SLC43A3: variants seen among roughly 807,000 people sequenced by gnomAD.
The protein encoded by SLC43A3 is equilibrative nucleobase transporter 1.
SLC43A3 carries 33 observed loss-of-function variants against 53.3 expected under a neutral mutation model. The observed-to-expected ratio is 0.62, with a 90% confidence interval of 0.47 to 0.83. The LOEUF is 0.83. Ranked by LOEUF, SLC43A3 falls within the 40% of genes least tolerant of loss-of-function variation. The pLI, the probability that SLC43A3 is intolerant of heterozygous loss-of-function variation, is 0.00. For synonymous variants in SLC43A3, 236 were observed against 246.2 expected (o/e 0.96, Z 0.39); for missense variants, 530 against 610.0 (o/e 0.87, Z 1.38).
rs78139395 is a variant in SLC43A3, at chr11:57,411,760, A to C, written c.1061-1639T>G. Among the ~76,000 whole-genome samples the C allele has an allele frequency of 6.8e-3, 1,034 of 152,236 alleles. 6 individuals carry two copies. The highest frequency in any genetic ancestry group is 0.01 in the Non-Finnish European group (699 of 68,032). The stretch of plus-strand genomic sequence containing the variant: ...GGAATAAGGAAGGACAGAAAAAAGG[A>C]AACAAAGAAGTAGCAACAGTATTTA... On this transcript the variant is annotated intron_variant, in intron 11 of 13. Coordinates refer to ENST00000395124, the MANE Select transcript of SLC43A3 (RefSeq NM_199329.3).
In SLC43A3 at chr11:57,410,123, T is replaced by C. The variant is rs1198406570; in HGVS notation, c.1061-2A>G. On this transcript the variant is annotated splice_acceptor_variant, in intron 11 of 13. Transcript: ENST00000395124. LOFTEE classifies it high-confidence loss of function. ...GGGCCACCGCCAAAGTGGAGGAACC[T>C]GGGCGAACAGAGAGGAAAAAGAAGC... 6.3e-7 allele frequency: 1 copy of C among 1,591,460 alleles called. No individual in the cohort carries two copies. Among genetic ancestry groups the C allele is most frequent in the Non-Finnish European group, 8.5e-7 (1 of 1,169,990 alleles).
chr11:57,414,565 A>AC (rs1942629473), intron 11 of SLC43A3, 50 bp downstream of exon 11: 1 of 952,106 alleles, frequency 1.1e-6, no homozygotes, highest in African/African-American at 1.7e-5. Flanking sequence ...GTAAATGAAG[A>AC]CCTCCCTTCC....
chr11:57,424,893 C>G (rs1319864786), intron 4 of SLC43A3, among the ~76,000 whole-genome samples: 19 of 152,228 alleles, frequency 1.2e-4, no homozygotes, highest in Non-Finnish European at 2.9e-5. Context: ...CCGCTGATTA[C>G]CACTGAGCCT....
chr11:57,408,066 C>T (rs1044083203), intron 13 of SLC43A3, 170 bp from the exon 14 acceptor site: 2 of 572,692 alleles, frequency 3.5e-6, no homozygotes, highest in African/African-American at 3.7e-5. Context: ...GAAGGACTTT[C>T]AGTTACTTTT....
Position 57,407,254 on chromosome 11 carries a change from G to A in SLC43A3, c.*538C>T, listed in dbSNP as rs1942255027. On this transcript the variant is annotated 3_prime_UTR_variant, in exon 14 of 14. Transcript: ENST00000395124. Reference sequence around the variant, plus strand: ...GAGACCAGACCAGGGTCAGGCCAAGGTCATCCAGCATCAGTGGCTGGGCTG... The same window carrying A: ...GAGACCAGACCAGGGTCAGGCCAAGATCATCCAGCATCAGTGGCTGGGCTG... The A allele has an allele frequency of 6.5e-6, 1 of 154,222 alleles. No homozygotes were observed. 9.6% of individuals were successfully genotyped at this position (154,222 alleles called of 1,614,324 possible).
At chr11:57,409,335 A>G in intron 12 of SLC43A3, 37 bp from the exon 13 acceptor site, 1 of 1,612,730 alleles carries the variant, frequency 6.2e-7, no homozygotes, top group Non-Finnish European at 8.5e-7. Flanking sequence ...AGTGAGCTTC[A>G]GGGACCCTCC....
chr11:57,422,267 A>T (rs1943025011), intron 5 of SLC43A3, among the ~76,000 whole-genome samples: 2 of 152,260 alleles, frequency 1.3e-5, no homozygotes, highest in African/African-American at 4.8e-5. Context: ...CTGTCAAAAT[A>T]AATACAATGA....
At chr11:57,427,244 C>T (rs559662080), upstream of SLC43A3, 6 of 152,894 alleles carry the variant, frequency 3.9e-5, no homozygotes, top group South Asian at 1.0e-3. Flanking sequence ...TCACAGCCTC[C>T]CGCGCCCTTT....
chr11:57,426,220 G>A lies in SLC43A3; in HGVS notation c.-48C>T, dbSNP rs769578685. 7 of 1,569,300 alleles carry A rather than the reference G, an allele frequency of 4.5e-6. No individual in the cohort carries two copies. In the Admixed American group the frequency reaches 5.3e-5, roughly 12 times the overall value. On this transcript the variant is annotated 5_prime_UTR_variant, in exon 3 of 14. Coordinates refer to ENST00000395124, the MANE Select transcript of SLC43A3 (RefSeq NM_199329.3). ...CAAATCCCACTTTGTCCTCCTGGACGGATCACAGGCGCCGTAAGCCTGGCG... is the reference window on the plus strand; with the variant it reads ...CAAATCCCACTTTGTCCTCCTGGACAGATCACAGGCGCCGTAAGCCTGGCG...
chr11:57,410,903 C>T (rs566481565), intron 11 of SLC43A3, among the ~76,000 whole-genome samples: 1 of 152,194 alleles, frequency 6.6e-6, no homozygotes, highest in South Asian at 2.1e-4. Context: ...TTGATTCTTC[C>T]TCATTTTTCT....
Position 57,414,959 on chromosome 11 carries a change from T to C in SLC43A3, c.917A>G (p.Asn306Ser), listed in dbSNP as rs1352824454. The change falls in exon 10 of 14, where the codon AAC (asparagine) becomes AGC (serine). Residue 306 changes from asparagine to serine, a missense_variant. Transcript: ENST00000395124. The stretch of plus-strand genomic sequence containing the variant: ...TCGTGCCATGTCCCCACCGGCCATG[T>C]TGGTCAGCAAGGAGTTGAGAGTGCC... Reference protein sequence around the residue: ...FIGTLNSLLTNMAGGDMARVS... With the variant: ...FIGTLNSLLTSMAGGDMARVS... 1 of 1,613,524 alleles carries C rather than the reference T, an allele frequency of 6.2e-7. No individual in the cohort carries two copies. Among genetic ancestry groups the C allele is most frequent in the Non-Finnish European group, 8.5e-7 (1 of 1,180,026 alleles).
At chr11:57,420,432 G>C (rs775500183) in intron 7 of SLC43A3, among the ~76,000 whole-genome samples, 2 of 152,168 alleles carry the variant, frequency 1.3e-5, no homozygotes, top group African/African-American at 2.4e-5. Context: ...GGCTAAGCGG[G>C]TCACTGCCCA....
intron 8 of SLC43A3, 107 bp downstream of exon 8, chr11:57,417,641 C>T (rs1405038733): frequency 1.6e-6 from 2 of 1,263,446 alleles, no homozygotes; most frequent in Non-Finnish European, 2.2e-6. Context: ...CTAACAGATG[C>T]ACTGCTCCAG....
At chr11:57,408,978 G>A (rs963957403) in intron 13 of SLC43A3, among the ~76,000 whole-genome samples, 197 bp downstream of exon 13, 4 of 152,220 alleles carry the variant, frequency 2.6e-5, no homozygotes, top group Non-Finnish European at 5.9e-5. Flanking sequence ...TTGAAGTTTC[G>A]TGAGAATTCC....
chr11:57,423,342 TA>T (rs1449958789), intron 5 of SLC43A3, among the ~76,000 whole-genome samples: 1 of 152,246 alleles, frequency 6.6e-6, no homozygotes, highest in Non-Finnish European at 1.5e-5. Flanking sequence ...TGGTCATTCA[TA>T]TAATCATTTC....
chr11:57,421,331 A>T lies in SLC43A3; in HGVS notation c.404T>A (p.Ile135Asn). The T allele has an allele frequency of 6.2e-7, 1 of 1,613,964 alleles. No individual in the cohort carries two copies. Among genetic ancestry groups the T allele is most frequent in the Non-Finnish European group, 8.5e-7 (1 of 1,179,946 alleles). Residue 135 changes from isoleucine to asparagine, a missense_variant, in exon 6 of 14, where the codon ATT becomes AAT. By Grantham distance (149) the Ile-to-Asn change is moderately radical. Transcript: ENST00000395124. The part of the protein sequence containing the change: ...LLFLAMPMLT[I>N]GGILFLITNL... Reference sequence around the variant, plus strand: ...GGTGATGAGAAACAGGATTCCCCCAATGGTGAGCATTGGCATGGCCAGGAA... The same window carrying T: ...GGTGATGAGAAACAGGATTCCCCCATTGGTGAGCATTGGCATGGCCAGGAA...
At position 57,427,050 on chromosome 11, in the gene SLC43A3, C is replaced by T. The variant is rs1004851278; in HGVS notation, c.-246+12G>A. 2 of 152,388 alleles carry T rather than the reference C, an allele frequency of 1.3e-5. No individual in the cohort carries two copies. Among genetic ancestry groups the T allele is most frequent in the African/African-American group, 2.4e-5 (1 of 41,454 alleles). 9.4% of individuals were successfully genotyped at this position (152,388 alleles called of 1,614,324 possible). On this transcript the variant is annotated intron_variant, in intron 1 of 13. Coordinates refer to ENST00000395124, the MANE Select transcript of SLC43A3 (RefSeq NM_199329.3). ...CGCCCCATGGCGCCCGAAAGGGGACCCTTCGCCCTACCCGCCTGCTCCGCG... is the reference window on the plus strand; with the variant it reads ...CGCCCCATGGCGCCCGAAAGGGGACTCTTCGCCCTACCCGCCTGCTCCGCG...
intron 9 of SLC43A3, 110 bp from the exon 10 acceptor site, chr11:57,415,216 C>T (rs1325945755): frequency 6.4e-7 from 1 of 1,552,348 alleles, no homozygotes. Context: ...ACCTTCTACC[C>T]TTGGCTCCCA....
rs768234249 is a variant in SLC43A3 at position 57,410,021 on chromosome 11, G to T, written c.1161C>A (p.Ile387=). The part of the protein sequence containing the change: ...LGFALCASVP[I]LPLQYLTFIL... ...TGAAGGTGAGGTACTGGAGAGGGAG[G>T]ATGGGGACTGAGGCACAGAGGGCGA... Residue 387 remains isoleucine (I), a synonymous_variant, in exon 12 of 14, where the codon ATC becomes ATA. Transcript: ENST00000395124. The T allele has an allele frequency of 6.2e-7, 1 of 1,613,352 alleles. No homozygotes were observed. Among genetic ancestry groups the T allele is most frequent in the Non-Finnish European group, 8.5e-7 (1 of 1,179,822 alleles).
Sources: allele counts gnomAD v4.1 joint callset (sites outside exome capture counted in the v4.1 genomes callset), GRCh38; gene constraint gnomAD v4.1.1; transcripts MANE v1.5; gene names NCBI Gene and HGNC (gene_info 2026-07-23, HGNC 2026-07-21).